SRPX: variants seen among roughly 807,000 people sequenced by gnomAD.
The protein encoded by SRPX is sushi repeat containing protein X-linked.
A neutral mutation model predicts 38.1 loss-of-function variants in SRPX; 24 were observed. That is an observed-to-expected ratio of 0.63 (90% CI 0.46 to 0.89). SRPX has a LOEUF of 0.89. SRPX is among the 40% of genes least tolerant of loss of function. SRPX has a pLI of 0.00. For missense variants in SRPX, 416 were observed against 377.8 expected (o/e 1.10, Z -0.84); for synonymous variants, 184 against 153.8 (o/e 1.20, Z -1.45).
intron 9 of SRPX, among the ~76,000 whole-genome samples, chrX:38,153,327 T>A (rs1211133682): frequency 1.3e-5 from 1 of 79,084 alleles, no homozygotes; most frequent in Non-Finnish European, 2.3e-5. Context: ...TTTTTTTTTT[T>A]ACCTTGGTAG....
chrX:38,172,486 T>C (rs1938492903), intron 3 of SRPX, among the ~76,000 whole-genome samples: 1 of 112,596 alleles, frequency 8.9e-6, no homozygotes, highest in Non-Finnish European at 1.9e-5. Context: ...TAAGAAACAA[T>C]GGATGGTTTT....
chrX:38,208,999 T>C (rs761739740), intron 1 of SRPX, among the ~76,000 whole-genome samples: 1 of 50,299 alleles, frequency 2.0e-5, no homozygotes, highest in East Asian at 2.9e-4. Context: ...TATATATATA[T>C]ATTTTTTTTT....
chrX:38,149,547 C>A lies in SRPX; in HGVS notation c.*164G>T. On this transcript the variant is annotated 3_prime_UTR_variant, in exon 10 of 10. Coordinates refer to ENST00000378533, the MANE Select transcript of SRPX (RefSeq NM_006307.5). ...TAATTTTTTGAAACACTTCCAAGTA[C>A]AAAAAGCAGCATGCTAATTTTTAAG... 2.0e-6 allele frequency: 1 copy of A among 497,674 alleles called. No individual in the cohort carries two copies. Among genetic ancestry groups the A allele is most frequent in the Non-Finnish European group, 3.1e-6 (1 of 326,719 alleles). The allele number at this position is 497,674 out of a possible 1,213,427, so 41.0% of individuals were successfully genotyped here.
At chrX:38,161,643 G>T (rs1365448164) in intron 5 of SRPX, among the ~76,000 whole-genome samples, 1 of 111,450 alleles carries the variant, frequency 9.0e-6, no homozygotes, top group African/African-American at 3.3e-5. Context: ...TACATGTTAG[G>T]CATGGTTCTA....
rs186463778 is a variant in SRPX, at chrX:38,189,382, A to C, written c.98-11038T>G. ...ATTTTAAAAATCTGCCTGGTCTTTC[A>C]TTTCCATTGCCTCTTTAAGTCCTCA... On this transcript the variant is annotated intron_variant, in intron 1 of 9. Coordinates refer to ENST00000378533, the MANE Select transcript of SRPX (RefSeq NM_006307.5). Among the ~76,000 whole-genome samples, 96 of 111,963 alleles carry C rather than the reference A, an allele frequency of 8.6e-4. 1 individual carries two copies. Among genetic ancestry groups the C allele is most frequent in the African/African-American group, 2.9e-3 (89 of 30,850 alleles).
chrX:38,167,097 A>G (rs1436964028), intron 4 of SRPX, among the ~76,000 whole-genome samples: 1 of 111,694 alleles, frequency 9.0e-6, no homozygotes, highest in East Asian at 2.8e-4. Flanking sequence ...TACCCTCCCT[A>G]TATTATTTTA....
At chrX:38,216,793 A>G (rs1197911117) in intron 1 of SRPX, among the ~76,000 whole-genome samples, 9 of 112,166 alleles carry the variant, frequency 8.0e-5, no homozygotes, top group African/African-American at 2.9e-4. Context: ...TAGCACACAT[A>G]TTTGCGTTTA....
intron 4 of SRPX, among the ~76,000 whole-genome samples, chrX:38,171,397 C>T (rs1334765196): frequency 1.8e-5 from 2 of 111,681 alleles, no homozygotes; most frequent in African/African-American, 6.5e-5. Flanking sequence ...CCCAGGACCA[C>T]ACCATGGGAA....
intron 1 of SRPX, among the ~76,000 whole-genome samples, chrX:38,196,913 C>T (rs1379253891): frequency 7.2e-5 from 8 of 111,724 alleles, no homozygotes; most frequent in Non-Finnish European, 1.5e-4. Flanking sequence ...ATCTCCTACT[C>T]TTCCAGAAAT....
Position 38,152,165 on chromosome X carries a change from C to T in SRPX, c.1212-2271G>A, listed in dbSNP as rs186225917. Among the ~76,000 whole-genome samples, 37 of 111,930 alleles carry T rather than the reference C, an allele frequency of 3.3e-4. No individual in the cohort carries two copies. The East Asian group carries it at 9.8e-3, about 30-fold the overall frequency. ...ATCATCTTTTTTCCTCTGCACTAGA[C>T]TCCAAGGTGTCTAAAAAACACCTTT... On this transcript the variant is annotated intron_variant, in intron 9 of 9. Coordinates refer to ENST00000378533, the MANE Select transcript of SRPX (RefSeq NM_006307.5).
chrX:38,208,124 C>G (rs1031233221), intron 1 of SRPX, among the ~76,000 whole-genome samples: 9 of 111,884 alleles, frequency 8.0e-5, no homozygotes, highest in Non-Finnish European at 1.1e-4. Flanking sequence ...ATCTTAAATC[C>G]ATTTATGCCC....
rs770581532 is a variant in SRPX, at chrX:38,220,749, G to A, written c.44C>T (p.Pro15Leu). 5 of 1,139,641 alleles carry A rather than the reference G, an allele frequency of 4.4e-6. No individual in the cohort carries two copies. In the Admixed American group the frequency reaches 7.9e-5, roughly 18 times the overall value. 93.9% of individuals were successfully genotyped at this position (1,139,641 alleles called of 1,213,427 possible). A position where few individuals can be genotyped will look rare whatever the true frequency, so the allele number is the denominator to read the frequency against. Residue 15 changes from proline (P) to leucine (L), a missense_variant, in exon 1 of 10, where the codon CCG becomes CTG. By Grantham distance (98) the Pro-to-Leu change is moderately conservative (BLOSUM62 -3). Transcript: ENST00000378533. Reference sequence around the variant, plus strand: ...CAGCAGCAGCAGCAGCAGCAGAGGCGGCAGCAGCAGCAGCAGCGCGGGCCG... The same window carrying A: ...CAGCAGCAGCAGCAGCAGCAGAGGCAGCAGCAGCAGCAGCAGCGCGGGCCG... ...AHRPALLLLL[P>L]PLLLLLLLRV...
intron 1 of SRPX, among the ~76,000 whole-genome samples, chrX:38,206,768 T>C (rs1939218379): frequency 8.9e-6 from 1 of 112,025 alleles, no homozygotes; most frequent in Non-Finnish European, 1.9e-5. Flanking sequence ...TTGTGGGCAA[T>C]TGGGGCTCCA....
intron 8 of SRPX, among the ~76,000 whole-genome samples, chrX:38,154,860 T>C (rs1938101104): frequency 9.0e-6 from 1 of 111,574 alleles, no homozygotes; most frequent in Non-Finnish European, 1.9e-5. Context: ...GGTGAGACCT[T>C]GAGTGAGTCA....
chrX:38,219,288 C>T (rs1197187004), intron 1 of SRPX, among the ~76,000 whole-genome samples: 1 of 110,609 alleles, frequency 9.0e-6, no homozygotes, highest in Non-Finnish European at 1.9e-5. Context: ...AGCTCACAGG[C>T]ACCTCCCAAC....
chrX:38,169,946 T>C (rs903410325), intron 4 of SRPX, among the ~76,000 whole-genome samples: 4 of 112,434 alleles, frequency 3.6e-5, no homozygotes, highest in Non-Finnish European at 7.5e-5. Flanking sequence ...TTCTTCCAGA[T>C]CAATGGAGGT....
rs368076454 is a variant in SRPX at position 38,160,096 on chromosome X, G to A, written c.876C>T (p.Gly292=). Reference sequence around the variant, plus strand: ...CAGGGCTACCCTGGAGCTCATAGCCGCCGATGCAGGAGAACTCACAGGTGG... The same window carrying A: ...CAGGGCTACCCTGGAGCTCATAGCCACCGATGCAGGAGAACTCACAGGTGG... ...YGATCEFSCI[G]GYELQGSPAR... Residue 292 remains glycine (G), a synonymous_variant, in exon 7 of 10, where the codon GGC becomes GGT. Transcript: ENST00000378533. 1.5e-5 allele frequency: 18 copies of A among 1,210,034 alleles called. No homozygotes were observed. The highest frequency in any genetic ancestry group is 2.3e-4 in the Middle Eastern group (1 of 4,352).
chrX:38,151,974 G>A (rs998903064), intron 9 of SRPX, among the ~76,000 whole-genome samples: 40 of 110,952 alleles, frequency 3.6e-4, no homozygotes, highest in South Asian at 3.9e-4. Flanking sequence ...GAAGGTAGGC[G>A]GTGACCCTGC....
intron 1 of SRPX, among the ~76,000 whole-genome samples, chrX:38,211,407 A>C (rs367872492): frequency 5.7e-4 from 64 of 112,059 alleles, no homozygotes; most frequent in African/African-American, 2.1e-3. Flanking sequence ...CAGCCTGTAC[A>C]AATACCATTG....
Sources: allele counts gnomAD v4.1 joint callset (sites outside exome capture counted in the v4.1 genomes callset), GRCh38; gene constraint gnomAD v4.1.1; transcripts MANE v1.5; gene names NCBI Gene and HGNC (gene_info 2026-07-23, HGNC 2026-07-21).